The following PCCA variants were observed in gnomAD, a reference collection of about 807,000 sequenced individuals.
PCCA encodes propionyl-CoA carboxylase alpha chain, mitochondrial.
A neutral mutation model predicts 101.3 loss-of-function variants in PCCA; 74 were observed. That is an observed-to-expected ratio of 0.73 (90% CI 0.61 to 0.89). The LOEUF (loss-of-function observed/expected upper bound fraction) is 0.89, where lower values mean the gene tolerates loss of function less well. Among genes scored for constraint, PCCA ranks in the 40% least tolerant of loss-of-function variants. The probability of loss-of-function intolerance (pLI) is 0.00; values close to 1 mark genes in which losing one functional copy is unlikely to be tolerated. For missense variants in PCCA, 891 were observed against 907.0 expected (o/e 0.98, Z 0.23); for synonymous variants, 294 against 313.6 (o/e 0.94, Z 0.66).
intron 16 of PCCA, among the ~76,000 whole-genome samples, chr13:100,329,094 CA>C (rs1158396330): frequency 2.0e-5 from 3 of 150,366 alleles, no homozygotes; most frequent in African/African-American, 7.4e-5. Flanking sequence ...GCGGTTTTTG[CA>C]TTGCTGAAAT....
intron 20 of PCCA, among the ~76,000 whole-genome samples, chr13:100,447,873 C>T (rs537789990): frequency 1.3e-5 from 2 of 152,250 alleles, no homozygotes; most frequent in South Asian, 4.1e-4. Context: ...GTCAAGGAAC[C>T]GAGGACTCAG....
At chr13:100,187,986 G>A (rs2057432153) in intron 6 of PCCA, among the ~76,000 whole-genome samples, 1 of 151,996 alleles carries the variant, frequency 6.6e-6, no homozygotes, top group Non-Finnish European at 1.5e-5. Flanking sequence ...CTACTTATGG[G>A]TGAGAACATA....
chr13:100,185,677 T>C (rs530153114), intron 6 of PCCA, among the ~76,000 whole-genome samples: 38 of 150,828 alleles, frequency 2.5e-4, no homozygotes, highest in Admixed American at 3.3e-4. Flanking sequence ...GACGGAGTTT[T>C]GCTCTTGTTG....
At chr13:100,091,897 C>T (rs2046311574) in intron 1 of PCCA, among the ~76,000 whole-genome samples, 1 of 152,026 alleles carries the variant, frequency 6.6e-6, no homozygotes. Context: ...TTATTGAACT[C>T]TTATATGCCT....
chr13:100,303,051 C>A, intron 14 of PCCA, 53 bp downstream of exon 14: 1 of 992,222 alleles, frequency 1.0e-6, no homozygotes, highest in South Asian at 1.3e-5. Context: ...TGATTTATGT[C>A]ATACTTTTAT....
chr13:100,229,079 T>C (rs1021838709), intron 7 of PCCA, among the ~76,000 whole-genome samples: 4 of 151,902 alleles, frequency 2.6e-5, no homozygotes, highest in South Asian at 2.1e-4. Flanking sequence ...GAATTTGATT[T>C]TTTTTTTTTC....
At chr13:100,515,250 T>C (rs1440784354) in intron 21 of PCCA, among the ~76,000 whole-genome samples, 177 bp from the exon 22 acceptor site, 1 of 152,242 alleles carries the variant, frequency 6.6e-6, no homozygotes, top group African/African-American at 2.4e-5. Flanking sequence ...CTGAAATAGC[T>C]CAATATATGA....
At chr13:100,433,923 A>G (rs183459135) in intron 20 of PCCA, among the ~76,000 whole-genome samples, 163 of 152,358 alleles carry the variant, frequency 1.1e-3, no homozygotes, top group African/African-American at 3.6e-3. Flanking sequence ...AGATCCAAAG[A>G]TACAAGGAAA....
At chr13:100,355,901 T>A (rs1269691255) in intron 18 of PCCA, among the ~76,000 whole-genome samples, 2 of 152,194 alleles carry the variant, frequency 1.3e-5, no homozygotes, top group African/African-American at 2.4e-5. Context: ...GACAAAGTGG[T>A]ACTGGCGTAA....
At chr13:100,276,268 A>ATTT (rs1369737512) in intron 12 of PCCA, among the ~76,000 whole-genome samples, 1 of 146,896 alleles carries the variant, frequency 6.8e-6, no homozygotes, top group African/African-American at 2.5e-5. Context: ...TTTGGCCAGT[A>ATTT]TTTTTTTCAA....
intron 4 of PCCA, among the ~76,000 whole-genome samples, chr13:100,136,715 A>T (rs2051220625): frequency 1.3e-5 from 2 of 152,060 alleles, no homozygotes; most frequent in South Asian, 4.1e-4. Flanking sequence ...GAAACCTTTT[A>T]TTATCCTTTT....
At chr13:100,440,721 A>G (rs2080309439) in intron 20 of PCCA, among the ~76,000 whole-genome samples, 1 of 151,850 alleles carries the variant, frequency 6.6e-6, no homozygotes, top group Non-Finnish European at 1.5e-5. Context: ...TACTTTACAC[A>G]TGTGATTTCT....
chr13:100,222,397 G>C (rs989147535), intron 7 of PCCA, among the ~76,000 whole-genome samples: 1 of 151,982 alleles, frequency 6.6e-6, no homozygotes, highest in African/African-American at 2.4e-5. Flanking sequence ...TTTAATACTA[G>C]TTTTATTTTT....
intron 4 of PCCA, among the ~76,000 whole-genome samples, chr13:100,147,020 A>AC (rs1376858188): frequency 6.6e-6 from 1 of 151,928 alleles, no homozygotes; most frequent in South Asian, 2.1e-4. Context: ...TAAAAAAAAA[A>AC]AAAACTGAGT....
At chr13:100,113,182 C>A (rs531410978) in intron 4 of PCCA, among the ~76,000 whole-genome samples, 1 of 152,150 alleles carries the variant, frequency 6.6e-6, no homozygotes. Flanking sequence ...ATAGTATAGC[C>A]TATTCCTCCT....
rs58234976 is a variant in PCCA at position 100,530,035 on chromosome 13, C to T, written c.2119-63C>T. 1.3e-3 allele frequency: 1,601 copies of T among 1,264,876 alleles called. 9 individuals are homozygous for T. In the African/African-American group the frequency reaches 0.019, roughly 15 times the overall value. The allele number at this position is 1,264,876 out of a possible 1,614,324, so 78.4% of individuals were successfully genotyped here. ...TTTTAGAAATGGATTAGGAGCCTGC[C>T]GCCTCTTGGTTCTGGTTACTAATTC... On this transcript the variant is annotated intron_variant, in intron 23 of 23. Transcript: ENST00000376285.
intron 12 of PCCA, among the ~76,000 whole-genome samples, chr13:100,295,908 C>T (rs1218776345): frequency 6.6e-6 from 1 of 152,170 alleles, no homozygotes; most frequent in Non-Finnish European, 1.5e-5. Flanking sequence ...TGATTTTCCT[C>T]AGTTTTAATT....
At chr13:100,438,643 G>T (rs1375349244) in intron 20 of PCCA, among the ~76,000 whole-genome samples, 1 of 151,592 alleles carries the variant, frequency 6.6e-6, no homozygotes, top group African/African-American at 2.4e-5. Context: ...TTTCCCTGTG[G>T]CATATAAGCT....
At position 100,113,308 on chromosome 13, in the gene PCCA, A is replaced by G. The variant is rs536296716; in HGVS notation, c.300+1247A>G. 1.3e-4 allele frequency among the ~76,000 whole-genome samples: 20 copies of G among 152,308 alleles called. No homozygotes were observed. The South Asian group carries it at 1.5e-3, about 11-fold the overall frequency. On this transcript the variant is annotated intron_variant, in intron 4 of 23. Transcript: ENST00000376285. The stretch of plus-strand genomic sequence containing the variant: ...AACACAGAAAAGGTACAGTAAAAAT[A>G]TAGTATAAAAGATAAAAAATGGTAC...
Sources: gnomAD v4.1 joint callset for allele counts (sites outside exome capture counted in the v4.1 genomes callset) on GRCh38, gnomAD v4.1.1 for gene constraint, MANE v1.5 for transcripts, NCBI Gene and HGNC (gene_info 2026-07-23, HGNC 2026-07-21) for gene names.